Variants in ENPEP observed in about 807,000 individuals in gnomAD.
ENPEP encodes glutamyl aminopeptidase, also known as AP-A.
In ENPEP, 103 loss-of-function variants were observed where a neutral mutation model predicts 114.5. That is an observed-to-expected ratio of 0.90 (90% confidence interval 0.77 to 1.06). The LOEUF (loss-of-function observed/expected upper bound fraction) is 1.06, where lower values mean the gene tolerates loss of function less well. ENPEP is among the 50% of genes least tolerant of loss of function. The pLI, the probability that ENPEP is intolerant of heterozygous loss-of-function variation, is 0.00. For missense variants in ENPEP, 1,196 were observed against 1,161.3 expected (o/e 1.03, Z -0.43); for synonymous variants, 420 against 422.0 (o/e 1.00, Z 0.06).
Position 110,520,314 on chromosome 4 carries a change from C to A in ENPEP, c.1675C>A (p.Arg559Ser). 1 of 1,613,992 alleles carries A rather than the reference C, an allele frequency of 6.2e-7. No individual in the cohort carries two copies. Among genetic ancestry groups the A allele is most frequent in the Non-Finnish European group, 8.5e-7 (1 of 1,179,934 alleles). The change falls in exon 10 of 20, where the codon CGC becomes AGC. Residue 559 changes from arginine to serine, a missense_variant. By Grantham distance (110) the Arg-to-Ser change is moderately radical (BLOSUM62 -1). Transcript: ENST00000265162. ...CGGTGTCAAGAACATCACACAGAAACGCTTTTTGTTGGACCCAAGAGCTAA... is the reference window on the plus strand; with the variant it reads ...CGGTGTCAAGAACATCACACAGAAAAGCTTTTTGTTGGACCCAAGAGCTAA... ...VNGVKNITQK[R>S]FLLDPRANPS...
At chr4:110,543,149 G>A (rs1376527069) in intron 13 of ENPEP, 79 bp downstream of exon 13, 1 of 1,290,518 alleles carries the variant, frequency 7.7e-7, no homozygotes, top group Non-Finnish European at 1.1e-6. Context: ...ATTAAACATT[G>A]CAGTATTAAT....
chr4:110,554,041 C>A (rs998772867), intron 18 of ENPEP, among the ~76,000 whole-genome samples: 1 of 151,958 alleles, frequency 6.6e-6, no homozygotes, highest in South Asian at 2.1e-4. Context: ...TTTCCTCAGG[C>A]CCGTGCAGAA....
At chr4:110,535,276 C>T (rs563283066) in intron 11 of ENPEP, among the ~76,000 whole-genome samples, 2 of 152,244 alleles carry the variant, frequency 1.3e-5, no homozygotes, top group South Asian at 4.2e-4. Context: ...TTGAGGGTGT[C>T]CTCTGGATGG....
intron 8 of ENPEP, chr4:110,519,151 C>A: frequency 2.2e-6 from 1 of 455,236 alleles, no homozygotes; most frequent in Non-Finnish European, 4.4e-6. Flanking sequence ...GTGGCTTCAT[C>A]CCTCTTCCAG....
In ENPEP at chr4:110,476,886, C is replaced by A. The variant is rs2110327715; in HGVS notation, c.472C>A (p.Arg158=). ...GCCCTCTGGGGACCAGGTGCAAGTC[C>A]GGAGGTGTTTCGAGTACAAAAAGCA... ...KRPSGDQVQV[R]RCFEYKKQEY... The change falls in exon 1 of 20, where the codon CGG becomes AGG. Residue 158 remains arginine, a synonymous_variant. Coordinates refer to ENST00000265162, the MANE Select transcript of ENPEP (RefSeq NM_001977.4). The A allele has an allele frequency of 1.2e-6, 2 of 1,614,076 alleles. No individual in the cohort carries two copies. Among genetic ancestry groups the A allele is most frequent in the South Asian group, 2.2e-5 (2 of 91,078 alleles).
At position 110,549,984 on chromosome 4, in the gene ENPEP, C is replaced by CA. The variant is rs776417472; in HGVS notation, c.2501+105dup. On this transcript the variant is annotated intron_variant, in intron 17 of 19. Coordinates refer to ENST00000265162, the MANE Select transcript of ENPEP (RefSeq NM_001977.4). ...TGATTAAAGTATGATGTTTTGTTTC[C>CA]AAAAAAATCCATTAAAAGTTATTTT... is the stretch of plus-strand genomic sequence containing the variant. The CA allele has an allele frequency of 1.7e-4, 198 of 1,179,074 alleles. 2 individuals are homozygous for CA. The Middle Eastern group carries it at 3.3e-3, about 19-fold the overall frequency. 73.0% of individuals were successfully genotyped at this position (1,179,074 alleles called of 1,614,324 possible).
At chr4:110,521,260 G>T (rs181856540) in intron 10 of ENPEP, among the ~76,000 whole-genome samples, 2 of 152,192 alleles carry the variant, frequency 1.3e-5, no homozygotes, top group East Asian at 3.9e-4. Flanking sequence ...GTCCTAGCTA[G>T]TCAGGAGGCT....
chr4:110,524,229 C>G (rs1726111692), intron 10 of ENPEP, among the ~76,000 whole-genome samples: 1 of 152,102 alleles, frequency 6.6e-6, no homozygotes. Context: ...AGCACTAAAA[C>G]CAGATCACTT....
intron 6 of ENPEP, among the ~76,000 whole-genome samples, chr4:110,510,994 C>A (rs1725552546): frequency 1.3e-5 from 2 of 152,074 alleles, no homozygotes; most frequent in Non-Finnish European, 2.9e-5. Flanking sequence ...GGAATAGAAA[C>A]TTTTATGAAC....
chr4:110,503,936 C>T (rs925829850), intron 3 of ENPEP, among the ~76,000 whole-genome samples: 2 of 152,208 alleles, frequency 1.3e-5, no homozygotes, highest in Non-Finnish European at 2.9e-5. Flanking sequence ...CACAAGGCTC[C>T]TCTGTGTTTC....
intron 4 of ENPEP, among the ~76,000 whole-genome samples, chr4:110,507,338 G>T (rs926323175): frequency 3.3e-5 from 5 of 152,190 alleles, no homozygotes; most frequent in African/African-American, 1.2e-4. Flanking sequence ...AAAATGGTGT[G>T]CATATGACAT....
At chr4:110,559,083 G>A (rs1172702661) in intron 18 of ENPEP, 1 of 152,366 alleles carries the variant, frequency 6.6e-6, no homozygotes, top group Non-Finnish European at 1.5e-5. Context: ...TCTCACTATG[G>A]TTAGACTCCT....
chr4:110,532,222 C>A (rs1214763443), intron 11 of ENPEP, among the ~76,000 whole-genome samples: 1 of 152,150 alleles, frequency 6.6e-6, no homozygotes, highest in African/African-American at 2.4e-5. Flanking sequence ...ATCATCACCA[C>A]AGTCAGTTTT....
Position 110,491,147 on chromosome 4 carries a change from T to C in ENPEP, c.901T>C (p.Ser301Pro), listed in dbSNP as rs370829083. Residue 301 changes from serine (S) to proline (P), a missense_variant, in exon 3 of 20, where the codon TCA becomes CCA. Ser to Pro is a moderately conservative substitution (Grantham distance 74). Coordinates refer to ENST00000265162, the MANE Select transcript of ENPEP (RefSeq NM_001977.4). ...TCAATTTGACTCTGTAAAGAGAATA[T>C]CAAATAGTGGAAAACCTGTGAGTCT... The part of the protein sequence containing the change: ...VHQFDSVKRI[S>P]NSGKPLTIYV... 2.5e-6 allele frequency: 4 copies of C among 1,606,988 alleles called. No individual in the cohort carries two copies. The highest frequency in any genetic ancestry group is 1.3e-5 in the African/African-American group (1 of 74,510).
intron 17 of ENPEP, among the ~76,000 whole-genome samples, chr4:110,550,113 G>A (rs55650553): frequency 0.16 from 24,907 of 151,974 alleles, 2,172 homozygotes; most frequent in East Asian, 0.25. Flanking sequence ...GTTGTGTGCA[G>A]CGGCTCAACA....
intron 13 of ENPEP, among the ~76,000 whole-genome samples, chr4:110,545,674 T>G (rs946584906): frequency 2.0e-5 from 3 of 152,014 alleles, no homozygotes; most frequent in Non-Finnish European, 4.4e-5. Flanking sequence ...TTGTTGATGT[T>G]TAATGCTGAT....
At chr4:110,513,333 A>G (rs1725648547) in intron 6 of ENPEP, 82 bp from the exon 7 acceptor site, 1 of 1,438,516 alleles carries the variant, frequency 7.0e-7, no homozygotes, top group East Asian at 2.5e-5. Context: ...TTTTCCTCCA[A>G]TTTTTCTTAT....
At chr4:110,540,622 A>G (rs1035157956) in intron 11 of ENPEP, among the ~76,000 whole-genome samples, 4 of 152,162 alleles carry the variant, frequency 2.6e-5, no homozygotes, top group Non-Finnish European at 4.4e-5. Context: ...TCATCTATAA[A>G]GTGAGAAAAA....
Position 110,513,437 on chromosome 4 carries a change from A to G in ENPEP, c.1331A>G (p.Asp444Gly). The G allele has an allele frequency of 6.2e-7, 1 of 1,611,730 alleles. No individual in the cohort carries two copies. The highest frequency in any genetic ancestry group is 8.5e-7 in the Non-Finnish European group (1 of 1,178,862). Residue 444 changes from aspartate (D) to glycine (G), a missense_variant, in exon 7 of 20, where the codon GAT becomes GGT. Transcript: ENST00000265162. ...WQMRDQMLLE[D>G]VLPVQEDDSL... ...CAGCGTGACCAAATGTTACTTGAAGATGTATTACCTGTTCAAGAGGATGAT... is the reference window on the plus strand; with the variant it reads ...CAGCGTGACCAAATGTTACTTGAAGGTGTATTACCTGTTCAAGAGGATGAT...
Sources: allele counts gnomAD v4.1 joint callset (sites outside exome capture counted in the v4.1 genomes callset), GRCh38; gene constraint gnomAD v4.1.1; transcripts MANE v1.5; gene names NCBI Gene and HGNC (gene_info 2026-07-23, HGNC 2026-07-21).